The following VIPR2 variants were observed in gnomAD, a reference collection of about 807,000 sequenced individuals.
VIPR2 encodes vasoactive intestinal polypeptide receptor 2.
Under a neutral mutation model 58.0 loss-of-function variants are expected in VIPR2, and 48 were observed. That is an observed-to-expected ratio of 0.83 (90% CI 0.66 to 1.05). The LOEUF is 1.05. Ranked by LOEUF, VIPR2 falls within the 50% of genes least tolerant of loss-of-function variation. The probability of loss-of-function intolerance (pLI) is 0.00; values close to 1 mark genes in which losing one functional copy is unlikely to be tolerated. For missense variants in VIPR2, 534 were observed against 558.0 expected (o/e 0.96, Z 0.43); for synonymous variants, 243 against 235.2 (o/e 1.03, Z -0.30).
chr7:159,035,508 C>T (rs538376465), intron 8 of VIPR2, among the ~76,000 whole-genome samples: 60 of 152,340 alleles, frequency 3.9e-4, no homozygotes, highest in African/African-American at 8.2e-4. Context: ...GCCGTGGTCT[C>T]GCTCAGGGAG....
intron 2 of VIPR2, among the ~76,000 whole-genome samples, chr7:159,129,168 C>T (rs1796779909): frequency 6.8e-6 from 1 of 146,616 alleles, no homozygotes; most frequent in African/African-American, 2.6e-5. Flanking sequence ...GGGACAGGGC[C>T]AGGTGACCAG....
chr7:159,130,714 C>T (rs774043769), intron 2 of VIPR2, among the ~76,000 whole-genome samples: 3 of 152,190 alleles, frequency 2.0e-5, no homozygotes, highest in South Asian at 2.1e-4. Flanking sequence ...GCCGGCATCA[C>T]GTCAATTAAA....
chr7:159,097,118 T>A lies in VIPR2; in HGVS notation c.357+6639A>T, dbSNP rs770841998. On this transcript the variant is annotated intron_variant, in intron 4 of 12. Transcript: ENST00000262178. The surrounding 1 kb of genome is among the most constrained non-coding windows in gnomAD (Gnocchi z 5.3). ...GGTTGCAGGAGGGTTGGCGGGATGATCAGATGGTGCCTCCCACAAAGGCAT... is the reference window on the plus strand; with the variant it reads ...GGTTGCAGGAGGGTTGGCGGGATGAACAGATGGTGCCTCCCACAAAGGCAT... 1 of 1,486,174 alleles carries A rather than the reference T, an allele frequency of 6.7e-7. No homozygotes were observed. The highest frequency in any genetic ancestry group is 1.3e-5 in the South Asian group (1 of 74,856). The allele number at this position is 1,486,174 out of a possible 1,614,324, so 92.1% of individuals were successfully genotyped here. A position where few individuals can be genotyped will look rare whatever the true frequency, so the allele number is the denominator to read the frequency against.
intron 2 of VIPR2, 145 bp downstream of exon 2, chr7:159,142,301 T>G: frequency 1.6e-6 from 1 of 612,604 alleles, no homozygotes; most frequent in Admixed American, 2.9e-5. Flanking sequence ...TTACCAGTAG[T>G]TCATTAACAA....
intron 6 of VIPR2, among the ~76,000 whole-genome samples, chr7:159,037,969 C>T (rs1854076789): frequency 6.6e-6 from 1 of 152,108 alleles, no homozygotes; most frequent in Non-Finnish European, 1.5e-5. Context: ...GGTGGATATA[C>T]TTACATATGT....
chr7:159,063,238 G>A (rs527567156), intron 4 of VIPR2, among the ~76,000 whole-genome samples: 1 of 152,262 alleles, frequency 6.6e-6, no homozygotes, highest in African/African-American at 2.4e-5. Flanking sequence ...GGCGGGGTGG[G>A]GGGAGACTCG....
intron 2 of VIPR2, among the ~76,000 whole-genome samples, chr7:159,135,004 G>GTTTTTTGTTTTTTTTTTTTTT (rs1416758329): frequency 6.1e-5 from 4 of 65,990 alleles, no homozygotes; most frequent in African/African-American, 2.6e-4. Flanking sequence ...AATTACAAAA[G>GTTTTTTGTTTTTTTTTTTTTT]TTTTTTTTTT....
In VIPR2 at chr7:159,098,002, G is replaced by C. The variant is rs190187022; in HGVS notation, c.357+5755C>G. 6.6e-6 allele frequency among the ~76,000 whole-genome samples: 1 copy of C among 152,156 alleles called. No homozygotes were observed. Among genetic ancestry groups the C allele is most frequent in the African/African-American group, 2.4e-5 (1 of 41,456 alleles). Reference sequence around the variant, plus strand: ...ACACAGACCCACTGGGCCAGAGCCCGCACCACGATCAGTCCCAGGAGCTCC... The same window carrying C: ...ACACAGACCCACTGGGCCAGAGCCCCCACCACGATCAGTCCCAGGAGCTCC... On this transcript the variant is annotated intron_variant, in intron 4 of 12. Transcript: ENST00000262178. This position sits in a 1 kb window ranked among gnomAD's most constrained non-coding sequence, Gnocchi z 5.2.
At chr7:159,082,166 G>A (rs1231162331) in intron 4 of VIPR2, among the ~76,000 whole-genome samples, 4 of 152,256 alleles carry the variant, frequency 2.6e-5, no homozygotes, top group Admixed American at 6.5e-5. Flanking sequence ...ACATGCACAC[G>A]TATGTTTACT....
chr7:159,034,272 T>G lies in VIPR2; in HGVS notation c.912A>C (p.Arg304=). ...GGGATGTTAACTTCTGCAGCAAAAT[T>G]CGTATAATACTAATGAAAAGGACAA... ...VNFVLFISII[R]ILLQKLTSPD... Residue 304 remains arginine (R), a synonymous_variant, in exon 10 of 13, where the codon CGA becomes CGC. Transcript: ENST00000262178. 6 of 1,614,044 alleles carry G rather than the reference T, an allele frequency of 3.7e-6. No individual in the cohort carries two copies. Among genetic ancestry groups the G allele is most frequent in the Non-Finnish European group, 4.2e-6 (5 of 1,179,992 alleles).
intron 2 of VIPR2, among the ~76,000 whole-genome samples, chr7:159,120,974 C>T (rs1275668514): frequency 6.6e-6 from 1 of 152,220 alleles, no homozygotes; most frequent in Non-Finnish European, 1.5e-5. Flanking sequence ...TCCTGGCTGA[C>T]CCTCTGCAAA....
chr7:159,143,773 A>C (rs1216216356), intron 1 of VIPR2, among the ~76,000 whole-genome samples: 1 of 152,290 alleles, frequency 6.6e-6, no homozygotes, highest in East Asian at 1.9e-4. Flanking sequence ...ATGCACAGCA[A>C]TGACTTCTTT....
intron 6 of VIPR2, among the ~76,000 whole-genome samples, chr7:159,039,097 A>G (rs1233790122): frequency 6.6e-6 from 1 of 152,222 alleles, no homozygotes; most frequent in Admixed American, 6.5e-5. Context: ...GTGTGATCCC[A>G]CGTGCAGCTG....
At chr7:159,143,580 C>G (rs1190333398) in intron 1 of VIPR2, among the ~76,000 whole-genome samples, 1 of 152,182 alleles carries the variant, frequency 6.6e-6, no homozygotes, top group East Asian at 1.9e-4. Flanking sequence ...AAAAGAGCCC[C>G]GAGCTTGCTT....
intron 10 of VIPR2, among the ~76,000 whole-genome samples, 180 bp downstream of exon 10, chr7:159,034,033 A>G (rs1049341661): frequency 2.6e-5 from 4 of 152,188 alleles, no homozygotes; most frequent in African/African-American, 9.6e-5. Flanking sequence ...TCGCCAGGGA[A>G]ATGCTGTCCA....
chr7:159,114,504 G>A (rs1015364655), intron 2 of VIPR2, among the ~76,000 whole-genome samples: 6 of 152,152 alleles, frequency 3.9e-5, no homozygotes, highest in African/African-American at 9.7e-5. Flanking sequence ...ATCAAAGGTC[G>A]CTCTGAAAAG....
intron 4 of VIPR2, among the ~76,000 whole-genome samples, chr7:159,103,193 A>T (rs891737838): frequency 6.6e-6 from 1 of 152,212 alleles, no homozygotes; most frequent in Non-Finnish European, 1.5e-5. Context: ...GCTCCAGATC[A>T]CTGCAGCAAG....
At chr7:159,123,021 G>A (rs182055199) in intron 2 of VIPR2, among the ~76,000 whole-genome samples, 58 of 152,188 alleles carry the variant, frequency 3.8e-4, no homozygotes, top group African/African-American at 1.2e-3. Context: ...TCGGCCGGGC[G>A]CAGTAGCTCA....
chr7:159,090,501 CCTGCGACCA>C (rs1857420992), intron 4 of VIPR2, among the ~76,000 whole-genome samples: 1 of 79,696 alleles, frequency 1.3e-5, no homozygotes, highest in African/African-American at 8.0e-5. Context: ...GGGGCCACCT[CCTGCGACCA>C]TTGCAATCCC....
Sources: gnomAD v4.1 joint callset for allele counts (sites outside exome capture counted in the v4.1 genomes callset) on GRCh38, gnomAD v4.1.1 for gene constraint, Gnocchi (gnomAD v3.1) non-coding constraint, MANE v1.5 for transcripts, NCBI Gene and HGNC (gene_info 2026-07-23, HGNC 2026-07-21) for gene names.